The following ROBO1 variants were observed in gnomAD, a reference collection of about 807,000 sequenced individuals.
ROBO1 encodes the protein roundabout guidance receptor 1, also known as roundabout homolog 1.
ROBO1 carries 149 observed loss-of-function variants against 195.9 expected under a neutral mutation model. The ratio of observed to expected loss-of-function variants is 0.76; its 90% CI spans 0.67 to 0.87. The LOEUF is 0.87. Among genes scored for constraint, ROBO1 ranks in the 40% least tolerant of loss-of-function variants. The pLI is 0.00. For synonymous variants in ROBO1, 816 were observed against 733.2 expected, an observed-to-expected ratio of 1.11 and a Z score of -1.82; for missense variants, 1,933 against 2,068.3, an observed-to-expected ratio of 0.93 and a Z score of 1.27.
At chr3:79,699,380 C>T (rs1019781492) in intron 1 of ROBO1, among the ~76,000 whole-genome samples, 1 of 151,554 alleles carries the variant, frequency 6.6e-6, no homozygotes, top group African/African-American at 2.4e-5. Flanking sequence ...GTTTGTCTGA[C>T]ATCTGAAAAG....
chr3:79,290,102 G>A (rs1213422837), intron 2 of ROBO1, among the ~76,000 whole-genome samples: 2 of 151,980 alleles, frequency 1.3e-5, no homozygotes, highest in African/African-American at 2.4e-5. Flanking sequence ...GCAATGGTGC[G>A]ATCTCAGCTC....
intron 1 of ROBO1, among the ~76,000 whole-genome samples, chr3:79,644,392 G>C (rs1199984785): frequency 6.6e-6 from 1 of 152,082 alleles, no homozygotes; most frequent in Non-Finnish European, 1.5e-5. Context: ...CTGAGACTGG[G>C]CAAGTTAAAA....
chr3:78,896,770 G>C (rs2037264733), intron 4 of ROBO1, among the ~76,000 whole-genome samples: 1 of 149,672 alleles, frequency 6.7e-6, no homozygotes, highest in African/African-American at 2.5e-5. Flanking sequence ...TCAGCGCTTT[G>C]AAAATGCTTT....
At chr3:79,564,489 G>T (rs1212029047) in intron 2 of ROBO1, among the ~76,000 whole-genome samples, 1 of 152,090 alleles carries the variant, frequency 6.6e-6, no homozygotes, top group African/African-American at 2.4e-5. Flanking sequence ...TCAGTCAAAA[G>T]AAAGTATGTA....
At chr3:79,736,418 TTTA>T (rs1028009866) in intron 1 of ROBO1, among the ~76,000 whole-genome samples, 4 of 152,206 alleles carry the variant, frequency 2.6e-5, no homozygotes, top group African/African-American at 9.6e-5. Context: ...TAATCTAGTT[TTTA>T]TTATTAAGAT....
chr3:79,108,995 T>C (rs1484089574), intron 3 of ROBO1, among the ~76,000 whole-genome samples: 3 of 151,946 alleles, frequency 2.0e-5, no homozygotes, highest in African/African-American at 7.2e-5. Context: ...GGTTAAGGTA[T>C]ATCACAGTGC....
At chr3:79,328,757 C>A (rs905953067) in intron 2 of ROBO1, among the ~76,000 whole-genome samples, 4 of 151,954 alleles carry the variant, frequency 2.6e-5, no homozygotes, top group Admixed American at 6.6e-5. Flanking sequence ...AACGTGTAGG[C>A]TTTTATCCCT....
intron 2 of ROBO1, among the ~76,000 whole-genome samples, chr3:79,189,037 A>G (rs142892720): frequency 6.6e-6 from 1 of 151,826 alleles, no homozygotes; most frequent in African/African-American, 2.4e-5. Context: ...TGGCATTGTG[A>G]TCTTGAATTT....
intron 2 of ROBO1, among the ~76,000 whole-genome samples, chr3:79,579,185 A>C (rs1397261543): frequency 6.6e-6 from 1 of 152,216 alleles, no homozygotes; most frequent in Non-Finnish European, 1.5e-5. Context: ...AGTTATGTGC[A>C]TTATTAGGAA....
At chr3:78,605,852 T>C (rs949823089) in intron 29 of ROBO1, among the ~76,000 whole-genome samples, 1 of 152,240 alleles carries the variant, frequency 6.6e-6, no homozygotes, top group African/African-American at 2.4e-5. Context: ...GTTTACTCTA[T>C]TATTTCAACT....
chr3:79,380,291 T>C (rs959571530), intron 2 of ROBO1, among the ~76,000 whole-genome samples: 1 of 152,170 alleles, frequency 6.6e-6, no homozygotes, highest in Non-Finnish European at 1.5e-5. Flanking sequence ...CCCAAGATTA[T>C]ACAGTTAATC....
intron 4 of ROBO1, among the ~76,000 whole-genome samples, chr3:78,833,608 G>GA (rs1325826057): frequency 6.6e-6 from 1 of 152,076 alleles, no homozygotes; most frequent in Non-Finnish European, 1.5e-5. Context: ...GGGAAAAAGA[G>GA]AATCCAGGAT....
chr3:79,762,396 G>A (rs1576332211), intron 1 of ROBO1, among the ~76,000 whole-genome samples: 1 of 152,052 alleles, frequency 6.6e-6, no homozygotes, highest in African/African-American at 2.4e-5. Flanking sequence ...AGAAGACACA[G>A]CATTCAGAAC....
chr3:79,500,235 T>A (rs1939995849), intron 2 of ROBO1, among the ~76,000 whole-genome samples: 1 of 148,152 alleles, frequency 6.7e-6, no homozygotes, highest in Non-Finnish European at 1.5e-5. Context: ...GTTCAAGCGA[T>A]TCTCCTGTCT....
intron 2 of ROBO1, among the ~76,000 whole-genome samples, chr3:79,293,314 T>C (rs563026529): frequency 6.6e-6 from 1 of 151,920 alleles, no homozygotes; most frequent in East Asian, 1.9e-4. Context: ...ATTTCATTAA[T>C]CTTTTCAAAA....
intron 3 of ROBO1, among the ~76,000 whole-genome samples, chr3:79,007,689 A>T (rs930574328): frequency 2.0e-5 from 3 of 152,222 alleles, no homozygotes; most frequent in Admixed American, 6.5e-5. Flanking sequence ...GGTGTACAAC[A>T]TGTTTTTAAA....
At chr3:79,401,112 G>T (rs1303792358) in intron 2 of ROBO1, among the ~76,000 whole-genome samples, 1 of 151,480 alleles carries the variant, frequency 6.6e-6, no homozygotes, top group Non-Finnish European at 1.5e-5. Flanking sequence ...TTAAAAGTTG[G>T]CCATTTGGAA....
intron 2 of ROBO1, among the ~76,000 whole-genome samples, chr3:79,428,249 A>T (rs2106999448): frequency 6.6e-6 from 1 of 152,294 alleles, no homozygotes; most frequent in African/African-American, 2.4e-5. Flanking sequence ...AAAATATCTC[A>T]TGTAACTTAT....
At chr3:79,279,955 T>C (rs2031376814) in intron 2 of ROBO1, among the ~76,000 whole-genome samples, 2 of 152,190 alleles carry the variant, frequency 1.3e-5, no homozygotes, top group Admixed American at 1.3e-4. Flanking sequence ...GCAACATGGA[T>C]GGAACTGAAG....
Sources: gnomAD v4.1 joint callset for allele counts (sites outside exome capture counted in the v4.1 genomes callset) on GRCh38, gnomAD v4.1.1 for gene constraint, MANE v1.5 for transcripts, NCBI Gene and HGNC (gene_info 2026-07-23, HGNC 2026-07-21) for gene names.